AP1S3: variants seen among roughly 807,000 people sequenced by gnomAD.
AP1S3 encodes the protein adaptor related protein complex 1 subunit sigma 3.
Under a neutral mutation model 20.9 loss-of-function variants are expected in AP1S3, and 10 were observed. The ratio of observed to expected loss-of-function variants is 0.48; its 90% CI spans 0.29 to 0.81. The LOEUF (loss-of-function observed/expected upper bound fraction) is 0.81. Among genes scored for constraint, AP1S3 ranks in the 30% least tolerant of loss-of-function variants. The probability of loss-of-function intolerance (pLI) is 0.08; values close to 1 mark genes in which losing one functional copy is unlikely to be tolerated. For missense variants in AP1S3, 154 were observed against 183.8 expected (o/e 0.84, Z 0.94); for synonymous variants, 41 against 61.5 (o/e 0.67, Z 1.56).
chr2:223,807,259 C>T (rs187699548), intron 1 of AP1S3, among the ~76,000 whole-genome samples: 1 of 151,860 alleles, frequency 6.6e-6, no homozygotes, highest in Non-Finnish European at 1.5e-5. Context: ...AGAGTAAGAC[C>T]CTGTCTCAAA....
At position 223,777,713 on chromosome 2, in the gene AP1S3, C is replaced by T. The variant is rs1230398427; in HGVS notation, c.160G>A (p.Glu54Lys). 3.1e-6 allele frequency: 5 copies of T among 1,613,274 alleles called. No individual in the cohort carries two copies. Among genetic ancestry groups the T allele is most frequent in the Non-Finnish European group, 4.2e-6 (5 of 1,179,830 alleles). The part of the protein sequence containing the change: ...HRTSSFVDWK[E>K]LKLVYKRYAS... ...CACCTTTTATAAACAAGTTTTAGCTCCTTCCAGTCAACAAAACTGCTTGTC... is the reference window on the plus strand; with the variant it reads ...CACCTTTTATAAACAAGTTTTAGCTTCTTCCAGTCAACAAAACTGCTTGTC... Residue 54 changes from glutamate to lysine, a missense_variant, in exon 2 of 5, where the codon GAG becomes AAG. By Grantham distance (56) the Glu-to-Lys change is moderately conservative. Transcript: ENST00000396654.
At chr2:223,780,302 TATATATAGAGAGAGAG>T (rs1279207324) in intron 1 of AP1S3, among the ~76,000 whole-genome samples, 20 of 49,600 alleles carry the variant, frequency 4.0e-4, no homozygotes, top group African/African-American at 7.3e-4. Flanking sequence ...TATATATATA[TATATATAGAGAGAGAG>T]AGAGAGAGAG....
At position 223,827,073 on chromosome 2, in the gene AP1S3, C is replaced by A. The variant is rs1448292356; in HGVS notation, c.3+10375G>T. On this transcript the variant is annotated intron_variant, in intron 1 of 4. Transcript: ENST00000396654. ...TTCAAAGTTTACCACTAACAAACTT[C>A]AAGCATTCATCTGAGAGACCAATCT... Among the ~76,000 whole-genome samples, 3 of 152,160 alleles carry A rather than the reference C, an allele frequency of 2.0e-5. No individual in the cohort carries two copies. The East Asian group carries it at 5.8e-4, about 29-fold the overall frequency.
intron 1 of AP1S3, among the ~76,000 whole-genome samples, chr2:223,784,518 C>T (rs1053431146): frequency 1.3e-5 from 2 of 152,196 alleles, no homozygotes; most frequent in African/African-American, 4.8e-5. Context: ...GTCACTCCCA[C>T]ACTACCAGGC....
chr2:223,777,501 T>A (rs1690813276), intron 2 of AP1S3, among the ~76,000 whole-genome samples, 190 bp downstream of exon 2: 2 of 152,254 alleles, frequency 1.3e-5, no homozygotes, highest in Non-Finnish European at 2.9e-5. Context: ...CTAGAATCCA[T>A]CCTGGCACCT....
intron 1 of AP1S3, among the ~76,000 whole-genome samples, chr2:223,832,103 T>C: frequency 6.8e-6 from 1 of 147,168 alleles, no homozygotes; most frequent in Non-Finnish European, 1.5e-5. Context: ...AAAAAAGGAC[T>C]TATTCTGGGG....
intron 2 of AP1S3, among the ~76,000 whole-genome samples, chr2:223,777,353 C>T (rs971247635): frequency 1.3e-5 from 2 of 152,102 alleles, no homozygotes; most frequent in Admixed American, 6.5e-5. Flanking sequence ...CAAGATCACG[C>T]CACTGCACTC....
At chr2:223,788,017 T>G (rs1475743060) in intron 1 of AP1S3, among the ~76,000 whole-genome samples, 2 of 152,004 alleles carry the variant, frequency 1.3e-5, no homozygotes, top group East Asian at 3.9e-4. Flanking sequence ...AGCGCAGTGG[T>G]GTGATCTCGG....
chr2:223,780,297 A>G (rs890030070), intron 1 of AP1S3, among the ~76,000 whole-genome samples: 2 of 50,332 alleles, frequency 4.0e-5, no homozygotes, highest in East Asian at 1.3e-3. Flanking sequence ...ATATATATAT[A>G]TATATATATA....
chr2:223,773,720 T>C (rs1259997497), intron 3 of AP1S3, among the ~76,000 whole-genome samples: 1 of 111,390 alleles, frequency 9.0e-6, no homozygotes, highest in Non-Finnish European at 1.8e-5. Context: ...CTCATTCCAT[T>C]AAAGAGAATA....
intron 3 of AP1S3, among the ~76,000 whole-genome samples, chr2:223,768,544 A>G (rs1357060802): frequency 6.6e-6 from 1 of 152,168 alleles, no homozygotes; most frequent in Non-Finnish European, 1.5e-5. Context: ...TGTAAGATAA[A>G]TGAATGAGCA....
intron 3 of AP1S3, among the ~76,000 whole-genome samples, chr2:223,770,497 T>TACACACACACAC (rs58486635): frequency 0.017 from 2,352 of 141,688 alleles, 34 homozygotes; most frequent in African/African-American, 0.028. Context: ...AGAGAGACAA[T>TACACACACACAC]ACACACACAC....
intron 1 of AP1S3, among the ~76,000 whole-genome samples, chr2:223,784,463 G>A (rs1275748683): frequency 6.6e-6 from 1 of 152,050 alleles, no homozygotes; most frequent in Non-Finnish European, 1.5e-5. Flanking sequence ...CACTTCTCAT[G>A]TGCTGGCTTT....
chr2:223,766,641 G>A (rs1690491040), intron 3 of AP1S3, among the ~76,000 whole-genome samples: 1 of 152,202 alleles, frequency 6.6e-6, no homozygotes, highest in South Asian at 2.1e-4. Context: ...GTGGAAGACA[G>A]TGTGGTGATT....
At chr2:223,779,369 C>T (rs930554137) in intron 1 of AP1S3, among the ~76,000 whole-genome samples, 3 of 151,822 alleles carry the variant, frequency 2.0e-5, no homozygotes, top group African/African-American at 4.8e-5. Context: ...CATAGTGAGA[C>T]CCCATCTCTA....
rs1018439652 is a variant in AP1S3, at chr2:223,765,412, C to A, written c.292-62G>T. On this transcript the variant is annotated intron_variant, in intron 3 of 4. Coordinates refer to ENST00000396654, the MANE Select transcript of AP1S3 (RefSeq NM_001039569.2). ...AGTTGTATCAGGGGAAACATCTGCC[C>A]GAATCTCGAGCTTTTTCAGTTTGCA... 5.9e-6 allele frequency: 9 copies of A among 1,525,286 alleles called. No homozygotes were observed. The Admixed American group carries it at 8.7e-5, about 15-fold the overall frequency. 94.5% of individuals were successfully genotyped at this position (1,525,286 alleles called of 1,614,324 possible).
At chr2:223,779,442 T>C (rs1329142918) in intron 1 of AP1S3, among the ~76,000 whole-genome samples, 8 of 152,218 alleles carry the variant, frequency 5.3e-5, no homozygotes, top group Admixed American at 1.3e-4. Context: ...CTTGAAGTTA[T>C]GGTATATTTA....
chr2:223,782,870 C>T (rs145087373), intron 1 of AP1S3, among the ~76,000 whole-genome samples: 3 of 152,252 alleles, frequency 2.0e-5, no homozygotes, highest in South Asian at 4.1e-4. Flanking sequence ...AATGAGGTAG[C>T]TGGAACAAAC....
chr2:223,764,411 C>T (rs760585219), intron 4 of AP1S3, among the ~76,000 whole-genome samples: 3 of 152,040 alleles, frequency 2.0e-5, no homozygotes, highest in Non-Finnish European at 4.4e-5. Flanking sequence ...AGTGCTCTTT[C>T]TCACAGTGTC....
Sources: gnomAD v4.1 joint callset for allele counts (sites outside exome capture counted in the v4.1 genomes callset) on GRCh38, gnomAD v4.1.1 for gene constraint, MANE v1.5 for transcripts, NCBI Gene and HGNC (gene_info 2026-07-23, HGNC 2026-07-21) for gene names.